TMPRSS9: variants seen among roughly 807,000 people sequenced by gnomAD.
The protein encoded by TMPRSS9 is transmembrane serine protease 9.
In TMPRSS9, 113 loss-of-function variants were observed where a neutral mutation model predicts 111.4. The ratio of observed to expected loss-of-function variants is 1.01; its 90% CI spans 0.87 to 1.19. The LOEUF (loss-of-function observed/expected upper bound fraction) is 1.19. TMPRSS9 is among the 50% of genes most tolerant of loss of function. TMPRSS9 has a pLI of 0.00. For synonymous variants in TMPRSS9, 805 were observed against 659.1 expected (o/e 1.22, Z -3.39); for missense variants, 1,803 against 1,513.1 (o/e 1.19, Z -3.18).
intron 8 of TMPRSS9, among the ~76,000 whole-genome samples, chr19:2,409,009 AATAATAATAATAATAATAATAATG>A (rs1971036492): frequency 7.2e-6 from 1 of 138,382 alleles, no homozygotes. Flanking sequence ...TAATAATAAT[AATAATAATAATAATAATAATAATG>A]ATGATGCAGA....
chr19:2,407,616 T>TC (rs2145347300), intron 7 of TMPRSS9, among the ~76,000 whole-genome samples: 1 of 139,110 alleles, frequency 7.2e-6, no homozygotes, highest in African/African-American at 2.6e-5. Flanking sequence ...TTCTTTTTTT[T>TC]TTTTTTTTTT....
At chr19:2,396,664 C>T in exon 2 of TMPRSS9, 1 of 1,607,946 alleles carries the variant, frequency 6.2e-7, no homozygotes. Flanking sequence ...CCTGGAGGCA[C>T]TGGTGAGGGT....
At chr19:2,394,903 T>C (rs571560634) in intron 1 of TMPRSS9, among the ~76,000 whole-genome samples, 19 of 152,330 alleles carry the variant, frequency 1.2e-4, no homozygotes, top group African/African-American at 4.6e-4. Flanking sequence ...TTTCTGCTGC[T>C]GCTTGCATCA....
chr19:2,382,611 T>C (rs201566965), intron 1 of TMPRSS9, among the ~76,000 whole-genome samples: 1 of 123,962 alleles, frequency 8.1e-6, no homozygotes, highest in Admixed American at 8.5e-5. Context: ...CACAGACACA[T>C]GCACACACAA....
chr19:2,418,329 C>CCCTTT lies in TMPRSS9; in HGVS notation c.2154+196_2154+200dup, dbSNP rs1568189441. On this transcript the variant is annotated intron_variant, in intron 13 of 17. Transcript: ENST00000648592. ...CCTTTCCCTCCCTCCCTCCCTCCCT[C>CCCTTT]CCTTTCCTTCCCTCCCTTTCCCTCC... Among the ~76,000 whole-genome samples the CCCTTT allele has an allele frequency of 8.7e-5, 3 of 34,612 alleles. No homozygotes were observed. In the African/African-American group the frequency reaches 1.1e-3, roughly 13 times the overall value. 22.7% of individuals were successfully genotyped at this position (34,612 alleles called of 152,430 possible). A position where few individuals can be genotyped will look rare whatever the true frequency, so the allele number is the denominator to read the frequency against.
At position 2,425,020 on chromosome 19, in the gene TMPRSS9, G is replaced by T. The variant is rs1485666076; in HGVS notation, c.2736G>T (p.Gln912His). Residue 912 changes from glutamine (Q) to histidine (H), a missense_variant, in exon 16 of 18, where the codon CAG becomes CAT. Gln to His is a conservative substitution (Grantham distance 24, BLOSUM62 0). Transcript: ENST00000648592. Reference sequence around the variant, plus strand: ...CCCGCAGCTACGGGGACCCCAAGCAGTGGGCGGCCTTCCTAGGCACGCCGT... The same window carrying T: ...CCCGCAGCTACGGGGACCCCAAGCATTGGGCGGCCTTCCTAGGCACGCCGT... 4 of 1,541,210 alleles carry T rather than the reference G, an allele frequency of 2.6e-6. No individual in the cohort carries two copies. Among genetic ancestry groups the T allele is most frequent in the African/African-American group, 1.4e-5 (1 of 72,420 alleles).
intron 13 of TMPRSS9, among the ~76,000 whole-genome samples, chr19:2,420,377 G>A (rs1485410253): frequency 1.3e-5 from 2 of 149,462 alleles, no homozygotes; most frequent in African/African-American, 2.5e-5. Flanking sequence ...AGGAGGCGGA[G>A]GTCACAGTGA....
exon 14 of TMPRSS9, chr19:2,422,197 A>G: frequency 6.5e-7 from 1 of 1,535,096 alleles, no homozygotes; most frequent in Non-Finnish European, 8.8e-7. Flanking sequence ...GCTAGGGGAC[A>G]GACGCCATTT....
exon 16 of TMPRSS9, chr19:2,425,179 G>A: frequency 1.3e-6 from 2 of 1,552,816 alleles, no homozygotes; most frequent in Non-Finnish European, 1.7e-6. Context: ...GCCGCCTGGT[G>A]CGTCCCATCT....
intron 10 of TMPRSS9, among the ~76,000 whole-genome samples, chr19:2,414,407 T>G (rs1971172538): frequency 6.6e-6 from 1 of 151,976 alleles, no homozygotes; most frequent in African/African-American, 2.4e-5. Context: ...ACCCGGCTAA[T>G]TTTTGTATTT....
chr19:2,422,569 C>G (rs547276036), intron 14 of TMPRSS9, among the ~76,000 whole-genome samples: 2 of 150,808 alleles, frequency 1.3e-5, no homozygotes, highest in Admixed American at 1.3e-4. Context: ...AGCGAAACTC[C>G]GTCTCAAAAA....
exon 16 of TMPRSS9, chr19:2,425,028 C>G: frequency 6.5e-7 from 1 of 1,545,456 alleles, no homozygotes. Context: ...CAGTGGGCGG[C>G]CTTCCTAGGC....
chr19:2,416,271 T>TGG, intron 11 of TMPRSS9: 1 of 488,570 alleles, frequency 2.0e-6, no homozygotes, highest in Non-Finnish European at 3.6e-6. Flanking sequence ...TGTAGGGGGT[T>TGG]GGGGGGGGGC....
chr19:2,369,143 G>A lies in TMPRSS9; in HGVS notation c.-26+8783G>A, dbSNP rs374813232. Among the ~76,000 whole-genome samples, 12 of 151,980 alleles carry A rather than the reference G, an allele frequency of 7.9e-5. No homozygotes were observed. In the East Asian group the frequency reaches 2.3e-3, roughly 29 times the overall value. ...ATTTTGTATTTTTAGTACAGATGGG[G>A]TTTCACCATGTTGGCCATGCTGGTC... On this transcript the variant is annotated intron_variant, in intron 1 of 17. Transcript: ENST00000649857.
At chr19:2,426,175 C>T (rs1210552821) in exon 18 of TMPRSS9, 1 of 1,508,492 alleles carries the variant, frequency 6.6e-7, no homozygotes, top group African/African-American at 1.4e-5. Flanking sequence ...CGTACCCTAC[C>T]CAAGGACGGG....
chr19:2,424,285 T>C, intron 15 of TMPRSS9, 28 bp downstream of exon 16: 1 of 1,331,406 alleles, frequency 7.5e-7, no homozygotes, highest in Non-Finnish European at 9.7e-7. Flanking sequence ...CAAATGCCCC[T>C]ACATGTCTCT....
In TMPRSS9 at chr19:2,408,461, C is replaced by G. The variant is rs749581644; in HGVS notation, c.948C>G (p.Pro316=). 4.3e-6 allele frequency: 7 copies of G among 1,613,962 alleles called. No individual in the cohort carries two copies. In the Admixed American group the frequency reaches 6.7e-5, roughly 15 times the overall value. Reference sequence around the variant, plus strand: ...AGGTGGTCCAGATCGTCAAGCACCCCCTGTACAACGCGGACACGGCCGACT... The same window carrying G: ...AGGTGGTCCAGATCGTCAAGCACCCGCTGTACAACGCGGACACGGCCGACT... The change falls in exon 8 of 18, where the codon CCC becomes CCG. Residue 316 remains proline, a synonymous_variant. Coordinates refer to ENST00000648592, the Ensembl canonical transcript of TMPRSS9.
intron 11 of TMPRSS9, chr19:2,416,245 AAG>A: frequency 2.2e-6 from 1 of 465,090 alleles, no homozygotes; most frequent in East Asian, 3.4e-5. Context: ...CTCAACAAAA[AAG>A]AGACTCATAA....
chr19:2,371,425 G>A (rs531262270), intron 1 of TMPRSS9, among the ~76,000 whole-genome samples: 48 of 152,178 alleles, frequency 3.2e-4, no homozygotes, highest in African/African-American at 1.1e-3. Flanking sequence ...AGCGGCTCAC[G>A]CCTGTAATCC....
Sources: allele counts gnomAD v4.1 joint callset (sites outside exome capture counted in the v4.1 genomes callset), GRCh38; gene constraint gnomAD v4.1.1; transcripts MANE v1.5; gene names NCBI Gene and HGNC (gene_info 2026-07-23, HGNC 2026-07-21).